The following ERBB4 variants were observed in gnomAD, a reference collection of about 807,000 sequenced individuals.
The protein encoded by ERBB4 is erb-b2 receptor tyrosine kinase 4.
In ERBB4, 42 loss-of-function variants were observed where a neutral mutation model predicts 158.0. The ratio of observed to expected loss-of-function variants is 0.27; its 90% CI spans 0.21 to 0.34. The LOEUF (loss-of-function observed/expected upper bound fraction) is 0.34. ERBB4 is among the 10% of genes least tolerant of loss of function. The pLI is 1.00. For synonymous variants in ERBB4, 583 were observed against 558.7 expected (o/e 1.04, Z -0.61); for missense variants, 1,333 against 1,624.1 (o/e 0.82, Z 3.08).
rs1983403 is a variant in ERBB4 at position 212,250,952 on chromosome 2, T to C, written c.83-126049A>G. 2.3e-3 allele frequency among the ~76,000 whole-genome samples: 346 copies of C among 152,078 alleles called. 1 individual carries two copies. Among genetic ancestry groups the C allele is most frequent in the African/African-American group, 7.7e-3 (322 of 41,554 alleles). On this transcript the variant is annotated intron_variant, in intron 1 of 27. Transcript: ENST00000342788. ...TAAATAGTGGTGTGAATTTCTGATATTGACTGAGAGATTTTGCAACAAGGG... is the reference window on the plus strand; with the variant it reads ...TAAATAGTGGTGTGAATTTCTGATACTGACTGAGAGATTTTGCAACAAGGG...
At chr2:211,998,868 A>T (rs1444865722) in intron 2 of ERBB4, among the ~76,000 whole-genome samples, 2 of 151,868 alleles carry the variant, frequency 1.3e-5, no homozygotes, top group Non-Finnish European at 3.0e-5. Flanking sequence ...ATACACTGGA[A>T]AGCATTAGAA....
rs138488994 is a variant in ERBB4 at position 212,420,085 on chromosome 2, CCTTT to C, written c.82+118360_82+118363del. Among the ~76,000 whole-genome samples, 595 of 152,098 alleles carry C rather than the reference CCTTT, an allele frequency of 3.9e-3. 2 individuals carry two copies. Among genetic ancestry groups the C allele is most frequent in the African/African-American group, 0.014 (565 of 41,528 alleles). On this transcript the variant is annotated intron_variant, in intron 1 of 27. Transcript: ENST00000342788. ...GTGCTGAGAATATGACACATTCATG[CCTTT>C]CTTTAATACATAAATAGATCATTGT... is the stretch of plus-strand genomic sequence containing the variant.
chr2:211,769,924 A>G (rs1173365727), intron 4 of ERBB4, among the ~76,000 whole-genome samples: 2 of 152,304 alleles, frequency 1.3e-5, no homozygotes, highest in Non-Finnish European at 2.9e-5. Flanking sequence ...TCAAATGTTA[A>G]TTTCTTTTAG....
At chr2:211,950,443 C>T (rs1385042814) in intron 2 of ERBB4, among the ~76,000 whole-genome samples, 3 of 152,098 alleles carry the variant, frequency 2.0e-5, no homozygotes, top group Non-Finnish European at 4.4e-5. Context: ...TAACATTGTA[C>T]CTGGCCATCC....
intron 3 of ERBB4, among the ~76,000 whole-genome samples, chr2:211,938,373 A>T (rs1219942213): frequency 6.6e-6 from 1 of 152,230 alleles, no homozygotes; most frequent in East Asian, 1.9e-4. Flanking sequence ...GTGATTCTCC[A>T]CGTTATTGTG....
chr2:211,624,170 T>A, intron 17 of ERBB4, 126 bp from the exon 18 acceptor site: 1 of 1,143,498 alleles, frequency 8.7e-7, no homozygotes, highest in Non-Finnish European at 1.3e-6. Context: ...TTGGTTTGCC[T>A]TGACAACCAA....
intron 1 of ERBB4, among the ~76,000 whole-genome samples, chr2:212,279,519 A>G (rs907464529): frequency 6.6e-6 from 1 of 151,620 alleles, no homozygotes; most frequent in South Asian, 2.1e-4. Context: ...TCAAAGCAAT[A>G]AGTTTTCATT....
chr2:212,478,639 A>T (rs1419832362), intron 1 of ERBB4, among the ~76,000 whole-genome samples: 1 of 152,054 alleles, frequency 6.6e-6, no homozygotes, highest in Non-Finnish European at 1.5e-5. Context: ...CCCTGATGCC[A>T]GGAAGCCTAT....
At chr2:212,055,069 G>A (rs956919362) in intron 2 of ERBB4, among the ~76,000 whole-genome samples, 14 of 152,174 alleles carry the variant, frequency 9.2e-5, no homozygotes, top group Non-Finnish European at 1.9e-4. Flanking sequence ...AGCAGTGACG[G>A]ATGGCACCTG....
At chr2:212,096,489 A>G (rs548916123) in intron 2 of ERBB4, among the ~76,000 whole-genome samples, 1 of 152,304 alleles carries the variant, frequency 6.6e-6, no homozygotes, top group East Asian at 1.9e-4. Flanking sequence ...TATGAAAACA[A>G]AGTTTAAAGG....
At chr2:212,373,945 ATATATCATAT>A (rs1278565885) in intron 1 of ERBB4, among the ~76,000 whole-genome samples, 16 of 79,074 alleles carry the variant, frequency 2.0e-4, no homozygotes, top group South Asian at 4.2e-4. Flanking sequence ...ATATCCATAT[ATATATCATAT>A]ATATATCCAT....
At chr2:211,407,588 C>T (rs1026701629) in intron 25 of ERBB4, among the ~76,000 whole-genome samples, 3 of 152,144 alleles carry the variant, frequency 2.0e-5, no homozygotes, top group African/African-American at 7.2e-5. Flanking sequence ...GCATATTTTG[C>T]TGCAAGAGAT....
chr2:212,411,665 T>C (rs2091505004), intron 1 of ERBB4, among the ~76,000 whole-genome samples: 1 of 152,098 alleles, frequency 6.6e-6, no homozygotes, highest in South Asian at 2.1e-4. Context: ...TAAACACTTG[T>C]TTAAAGTGAT....
In ERBB4 at chr2:212,120,745, G is replaced by A. The variant is rs181629811; in HGVS notation, c.234+4007C>T. ...CAGAATGAAATTTAAGATGACTATT[G>A]ATCCTCTAAATACATCATTTGGGTC... On this transcript the variant is annotated intron_variant, in intron 2 of 27. Coordinates refer to ENST00000342788, the MANE Select transcript of ERBB4 (RefSeq NM_005235.3). Among the ~76,000 whole-genome samples, 660 of 152,198 alleles carry A rather than the reference G, an allele frequency of 4.3e-3. 8 individuals are homozygous for A. Among genetic ancestry groups the A allele is most frequent in the Middle Eastern group, 0.02 (6 of 294 alleles).
At chr2:212,013,058 CTTTT>C (rs775918426) in intron 2 of ERBB4, among the ~76,000 whole-genome samples, 4 of 139,702 alleles carry the variant, frequency 2.9e-5, no homozygotes, top group Admixed American at 1.4e-4. Context: ...AAATACTTTC[CTTTT>C]TTTTTTTTTT....
At chr2:211,410,894 G>A (rs1157791428) in intron 25 of ERBB4, among the ~76,000 whole-genome samples, 1 of 152,030 alleles carries the variant, frequency 6.6e-6, no homozygotes, top group Non-Finnish European at 1.5e-5. Context: ...AAAAACCTTT[G>A]TTTTTTAAAT....
Position 211,765,067 on chromosome 2 carries a change from A to AAAAGGT in ERBB4, c.557-14369_557-14364dup, listed in dbSNP as rs1277919229. Among the ~76,000 whole-genome samples the AAAAGGT allele has an allele frequency of 4.6e-5, 7 of 152,142 alleles. 1 individual carries two copies. Among genetic ancestry groups the AAAAGGT allele is most frequent in the African/African-American group, 1.7e-4 (7 of 41,444 alleles). Reference sequence around the variant, plus strand: ...TGTAGGTGGACGTCAAGAGCATGGAAAAAGGTGCCCCTCCCCATCTCACTC... The same window carrying AAAAGGT: ...TGTAGGTGGACGTCAAGAGCATGGAAAAAGGTAAAGGTGCCCCTCCCCATCTCACTC... On this transcript the variant is annotated intron_variant, in intron 4 of 27. Coordinates refer to ENST00000342788, the MANE Select transcript of ERBB4 (RefSeq NM_005235.3).
chr2:211,750,632 C>A lies in ERBB4; in HGVS notation c.622+7G>T, dbSNP rs1191797859. 2 of 1,612,980 alleles carry A rather than the reference C, an allele frequency of 1.2e-6. No homozygotes were observed. The highest frequency in any genetic ancestry group is 2.2e-5 in the South Asian group (2 of 91,052). ...AAACCTGTGTGCTCTCACTGATGAA[C>A]ACTTACAAGTCTGGCAATGATTTTC... is the stretch of plus-strand genomic sequence containing the variant. On this transcript the variant is annotated splice_region_variant and intron_variant, in intron 5 of 27. Transcript: ENST00000342788.
At chr2:212,436,008 T>G (rs13388843) in intron 1 of ERBB4, among the ~76,000 whole-genome samples, 1 of 151,720 alleles carries the variant, frequency 6.6e-6, no homozygotes, top group African/African-American at 2.4e-5. Context: ...CCTCAATGAA[T>G]AGAAAATTCA....
Sources: allele counts gnomAD v4.1 joint callset (sites outside exome capture counted in the v4.1 genomes callset), GRCh38; gene constraint gnomAD v4.1.1; transcripts MANE v1.5; gene names NCBI Gene and HGNC (gene_info 2026-07-23, HGNC 2026-07-21).